Variants in FRMPD4 observed in about 807,000 individuals in gnomAD.
The protein encoded by FRMPD4 is FERM and PDZ domain containing 4.
A neutral mutation model predicts 94.1 loss-of-function variants in FRMPD4; 22 were observed. That is an observed-to-expected ratio of 0.23 (90% confidence interval 0.17 to 0.33). The LOEUF is 0.33. Among genes scored for constraint, FRMPD4 ranks in the 10% least tolerant of loss-of-function variants. The pLI, the probability that FRMPD4 is intolerant of heterozygous loss-of-function variation, is 1.00. For synonymous variants in FRMPD4, 631 were observed against 548.6 expected, an observed-to-expected ratio of 1.15 and a Z score of -2.10; for missense variants, 1,111 against 1,339.9, an observed-to-expected ratio of 0.83 and a Z score of 2.67.
At chrX:12,221,585 T>C (rs1601710797) in intron 1 of FRMPD4, among the ~76,000 whole-genome samples, 1 of 112,244 alleles carries the variant, frequency 8.9e-6, no homozygotes, top group South Asian at 3.7e-4. Context: ...TCCTGAACGA[T>C]GGGTAGACTG....
Position 12,063,654 on chromosome X carries a change from A to C in FRMPD4, c.95+185636A>C, listed in dbSNP as rs991091101. On this transcript the variant is annotated intron_variant, in intron 3 of 18. Transcript: ENST00000640291. ...TGTAGTCCTAGCCACTCATGTGGCT[A>C]AGGTGGCAGGATCACTTGAGCCTAG... 4.5e-5 allele frequency among the ~76,000 whole-genome samples: 5 copies of C among 112,249 alleles called. No individual in the cohort carries two copies. In the East Asian group the frequency reaches 1.1e-3, roughly 25 times the overall value.
chrX:12,582,349 A>G (rs2058874907), intron 2 of FRMPD4, among the ~76,000 whole-genome samples: 1 of 111,886 alleles, frequency 8.9e-6, no homozygotes. Flanking sequence ...GTCACCAGCA[A>G]ATTCATTTTC....
In FRMPD4 at chrX:12,305,725, G is replaced by GTTTTTTTTTTTTTTTT. The variant is rs58794898; in HGVS notation, c.41+166720_41+166735dup. 8.6e-3 allele frequency among the ~76,000 whole-genome samples: 516 copies of GTTTTTTTTTTTTTTTT among 59,655 alleles called. 26 individuals are homozygous for GTTTTTTTTTTTTTTTT. The highest frequency in any genetic ancestry group is 0.019 in the East Asian group (27 of 1,442). 51.8% of individuals were successfully genotyped at this position (59,655 alleles called of 115,157 possible). A position where few individuals can be genotyped will look rare whatever the true frequency, so the allele number is the denominator to read the frequency against. On this transcript the variant is annotated intron_variant, in intron 1 of 16. Transcript: ENST00000675598. The stretch of plus-strand genomic sequence containing the variant: ...GGCATGTACCACCACAGCTGGCTAA[G>GTTTTTTTTTTTTTTTT]TTTTTTTTTTTTTTTTTTTTTTACA...
At chrX:12,294,793 G>A (rs1215840839) in intron 1 of FRMPD4, among the ~76,000 whole-genome samples, 1 of 111,155 alleles carries the variant, frequency 9.0e-6, no homozygotes, top group Non-Finnish European at 1.9e-5. Flanking sequence ...ATGAATAAAT[G>A]AATACAGAAG....
chrX:11,973,663 C>T (rs1188623297), intron 3 of FRMPD4, among the ~76,000 whole-genome samples: 1 of 111,973 alleles, frequency 8.9e-6, no homozygotes, highest in Non-Finnish European at 1.9e-5. Context: ...GATAAGTGTT[C>T]GTTCTTCATT....
intron 1 of FRMPD4, among the ~76,000 whole-genome samples, chrX:12,195,412 C>T (rs1035950508): frequency 3.6e-5 from 4 of 111,921 alleles, no homozygotes; most frequent in African/African-American, 1.3e-4. Flanking sequence ...GAAAAAGATA[C>T]GGACCAAGTC....
intron 1 of FRMPD4, among the ~76,000 whole-genome samples, chrX:11,852,307 G>T (rs2053627836): frequency 9.2e-6 from 1 of 108,985 alleles, no homozygotes; most frequent in Non-Finnish European, 1.9e-5. Flanking sequence ...CTTTCTCAGG[G>T]TTTATGGTAA....
intron 3 of FRMPD4, among the ~76,000 whole-genome samples, chrX:12,074,004 T>C (rs1318748717): frequency 1.8e-5 from 2 of 112,331 alleles, no homozygotes; most frequent in African/African-American, 6.5e-5. Flanking sequence ...CTATCTGTTT[T>C]TTCAAGTTTT....
chrX:12,123,948 T>C (rs1024278984), intron 3 of FRMPD4, among the ~76,000 whole-genome samples: 2 of 111,803 alleles, frequency 1.8e-5, no homozygotes, highest in Non-Finnish European at 3.8e-5. Flanking sequence ...ACTTAAGATA[T>C]ACAAGATATC....
chrX:11,843,353 T>C lies in FRMPD4; in HGVS notation c.-161+20638T>C, dbSNP rs773275509. On this transcript the variant is annotated intron_variant, in intron 1 of 18. Transcript: ENST00000640291. ...TTTTCTTTAATGTAGAATTTTTGGCTCTAGTATATCTCCTTTTCCTACTCC... is the reference window on the plus strand; with the variant it reads ...TTTTCTTTAATGTAGAATTTTTGGCCCTAGTATATCTCCTTTTCCTACTCC... Among the ~76,000 whole-genome samples the C allele has an allele frequency of 5.4e-5, 6 of 111,520 alleles. No homozygotes were observed. In the South Asian group the frequency reaches 2.3e-3, roughly 42 times the overall value.
intron 1 of FRMPD4, among the ~76,000 whole-genome samples, chrX:12,169,844 T>G (rs916145350): frequency 8.9e-6 from 1 of 112,364 alleles, no homozygotes; most frequent in Non-Finnish European, 1.9e-5. Context: ...ATATAGAACT[T>G]GACCCATATG....
intron 1 of FRMPD4, among the ~76,000 whole-genome samples, chrX:12,160,068 G>GGTGTGTGTGTGTGT (rs757966489): frequency 2.6e-4 from 26 of 100,081 alleles, no homozygotes; most frequent in African/African-American, 6.7e-4. Flanking sequence ...GATGTTGAGG[G>GGTGTGTGTGTGTGT]GTGTGTGTGT....
chrX:12,203,724 A>G (rs1406394836), intron 1 of FRMPD4, among the ~76,000 whole-genome samples: 1 of 112,316 alleles, frequency 8.9e-6, no homozygotes, highest in African/African-American at 3.2e-5. Flanking sequence ...CTGTTAATCT[A>G]TTTATTTACA....
chrX:11,935,263 TAATG>T (rs1569129063), intron 3 of FRMPD4, among the ~76,000 whole-genome samples: 10 of 14,052 alleles, frequency 7.1e-4, no homozygotes, highest in African/African-American at 1.3e-3. Context: ...TTTTTTTTTT[TAATG>T]TGTTTTTTTT....
intron 3 of FRMPD4, among the ~76,000 whole-genome samples, chrX:12,077,963 C>T (rs748241575): frequency 8.9e-6 from 1 of 112,143 alleles, no homozygotes; most frequent in Admixed American, 9.5e-5. Flanking sequence ...TTGAGCACAG[C>T]TTAGCTAGGT....
At chrX:12,322,721 T>A (rs1339341428) in intron 1 of FRMPD4, among the ~76,000 whole-genome samples, 1 of 111,623 alleles carries the variant, frequency 9.0e-6, no homozygotes, top group Admixed American at 9.5e-5. Flanking sequence ...AGTCAGTCAA[T>A]TTTGCTGGTC....
At chrX:12,666,332 G>A (rs1243206148) in intron 4 of FRMPD4, among the ~76,000 whole-genome samples, 1 of 111,101 alleles carries the variant, frequency 9.0e-6, no homozygotes, top group East Asian at 2.8e-4. Context: ...ATAATAGTGG[G>A]AGACTTTAAC....
At chrX:12,229,779 T>A (rs1206913329) in intron 1 of FRMPD4, among the ~76,000 whole-genome samples, 1 of 111,970 alleles carries the variant, frequency 8.9e-6, no homozygotes, top group Non-Finnish European at 1.9e-5. Context: ...ACTTCTTCAC[T>A]AAAATCCTGG....
At chrX:12,384,396 C>T (rs1377272019) in intron 1 of FRMPD4, among the ~76,000 whole-genome samples, 2 of 111,571 alleles carry the variant, frequency 1.8e-5, no homozygotes, top group Non-Finnish European at 3.8e-5. Flanking sequence ...CCTGCACTTG[C>T]AGTCCCAGCT....
Sources: gnomAD v4.1 joint callset for allele counts (sites outside exome capture counted in the v4.1 genomes callset) on GRCh38, gnomAD v4.1.1 for gene constraint, MANE v1.5 for transcripts, NCBI Gene and HGNC (gene_info 2026-07-23, HGNC 2026-07-21) for gene names.